The following MAP3K7CL variants were observed in gnomAD, a reference collection of about 807,000 sequenced individuals.
MAP3K7CL encodes MAP3K7 C-terminal-like protein.
A neutral mutation model predicts 18.6 loss-of-function variants in MAP3K7CL; 16 were observed. The observed-to-expected ratio is 0.86, with a 90% CI of 0.58 to 1.31. The LOEUF (loss-of-function observed/expected upper bound fraction) is 1.31. MAP3K7CL is among the 50% of genes most tolerant of loss of function. The probability of loss-of-function intolerance (pLI) is 0.00; values close to 1 mark genes in which losing one functional copy is unlikely to be tolerated. For missense variants in MAP3K7CL, 163 were observed against 174.4 expected, an observed-to-expected ratio of 0.93 and a Z score of 0.37; for synonymous variants, 65 against 66.8, an observed-to-expected ratio of 0.97 and a Z score of 0.13.
At position 29,173,629 on chromosome 21, in the gene MAP3K7CL, T is replaced by C. The variant is rs73897289; in HGVS notation, c.249-1083T>C. Among the ~76,000 whole-genome samples the C allele has an allele frequency of 8.3e-3, 1,271 of 152,340 alleles. 20 individuals carry two copies. Among genetic ancestry groups the C allele is most frequent in the African/African-American group, 0.029 (1,214 of 41,582 alleles). On this transcript the variant is annotated intron_variant, in intron 4 of 4. Transcript: ENST00000399928. ...GGTTAGGATTACCTGACCTCCATGA[T>C]GGAGACAGACCTGGTATCCTTTGGG...
At chr21:29,113,654 T>C (rs1193905716) in intron 4 of MAP3K7CL, among the ~76,000 whole-genome samples, 1 of 152,202 alleles carries the variant, frequency 6.6e-6, no homozygotes, top group East Asian at 1.9e-4. Context: ...GCCTCCCCTG[T>C]AGCTGAGATT....
chr21:29,111,443 T>G (rs1043255034), intron 4 of MAP3K7CL, among the ~76,000 whole-genome samples: 2 of 152,082 alleles, frequency 1.3e-5, no homozygotes, highest in African/African-American at 4.8e-5. Flanking sequence ...AGGAGCTCTA[T>G]TCCCTACCCC....
At chr21:29,082,656 T>G (rs7280838), upstream of MAP3K7CL, among the ~76,000 whole-genome samples, 3 of 152,174 alleles carry the variant, frequency 2.0e-5, no homozygotes, top group African/African-American at 7.2e-5. Context: ...CTGAAGTAGG[T>G]TATGTGGCCA....
intron 4 of MAP3K7CL, among the ~76,000 whole-genome samples, chr21:29,097,648 G>A (rs570662694): frequency 2.6e-4 from 39 of 151,850 alleles, no homozygotes; most frequent in Non-Finnish European, 3.2e-4. Flanking sequence ...CAAATAACAC[G>A]ATATGTAGTT....
In MAP3K7CL at chr21:29,107,024, A is replaced by G. The variant is rs117778864; in HGVS notation, c.370+14443A>G. 7.1e-3 allele frequency among the ~76,000 whole-genome samples: 1,076 copies of G among 152,286 alleles called. 9 individuals are homozygous for G. The highest frequency in any genetic ancestry group is 0.044 in the Middle Eastern group (13 of 294). On this transcript the variant is annotated intron_variant, in intron 4 of 6. Transcript: ENST00000286791. Reference sequence around the variant, plus strand: ...GGCATTCAAAGTCTGGGGTGTATTAAAGTCTGACTTAGGCCAGGCGTGGTG... The same window carrying G: ...GGCATTCAAAGTCTGGGGTGTATTAGAGTCTGACTTAGGCCAGGCGTGGTG...
intron 4 of MAP3K7CL, among the ~76,000 whole-genome samples, chr21:29,123,687 A>G (rs1272151103): frequency 6.6e-6 from 1 of 152,216 alleles, no homozygotes; most frequent in African/African-American, 2.4e-5. Context: ...AATGTTTGTG[A>G]TAAAATTGGA....
chr21:29,112,278 C>G (rs2086432441), intron 4 of MAP3K7CL, among the ~76,000 whole-genome samples: 1 of 152,084 alleles, frequency 6.6e-6, no homozygotes, highest in African/African-American at 2.4e-5. Flanking sequence ...AGCCTGGCGA[C>G]AGAGCAAGAC....
intron 2 of MAP3K7CL, among the ~76,000 whole-genome samples, chr21:29,142,484 T>C (rs953592340): frequency 3.9e-5 from 6 of 152,218 alleles, no homozygotes; most frequent in African/African-American, 1.4e-4. Flanking sequence ...ATTAGAGTCA[T>C]TGACCTTAAC....
intron 4 of MAP3K7CL, among the ~76,000 whole-genome samples, chr21:29,094,916 G>A (rs1018291252): frequency 2.0e-5 from 3 of 151,952 alleles, no homozygotes; most frequent in East Asian, 1.9e-4. Context: ...AAAATTAGCC[G>A]GGCATGGTGG....
At chr21:29,107,923 C>T (rs1332368387) in intron 4 of MAP3K7CL, among the ~76,000 whole-genome samples, 1 of 152,164 alleles carries the variant, frequency 6.6e-6, no homozygotes, top group Non-Finnish European at 1.5e-5. Context: ...GCTGTTATCT[C>T]TCTTTTTGTA....
intron 4 of MAP3K7CL, among the ~76,000 whole-genome samples, chr21:29,097,240 T>C (rs2086139325): frequency 6.6e-6 from 1 of 152,082 alleles, no homozygotes; most frequent in African/African-American, 2.4e-5. Flanking sequence ...GGAGTATGCA[T>C]ACTATGGTAA....
intron 4 of MAP3K7CL, among the ~76,000 whole-genome samples, chr21:29,119,248 T>C (rs2086553647): frequency 1.3e-5 from 2 of 152,272 alleles, no homozygotes; most frequent in Non-Finnish European, 1.5e-5. Context: ...TGGTTATTTT[T>C]ACTTTACAGT....
At chr21:29,111,273 AAC>A (rs2146560331) in intron 4 of MAP3K7CL, among the ~76,000 whole-genome samples, 1 of 47,524 alleles carries the variant, frequency 2.1e-5, no homozygotes, top group East Asian at 1.4e-3. Flanking sequence ...GAAAAAACAA[AAC>A]AACAACAACA....
chr21:29,103,278 A>G (rs2146536739), intron 4 of MAP3K7CL, among the ~76,000 whole-genome samples: 1 of 152,234 alleles, frequency 6.6e-6, no homozygotes, highest in South Asian at 2.1e-4. Context: ...GATGTTTACC[A>G]TTTGGCCGTA....
intron 4 of MAP3K7CL, among the ~76,000 whole-genome samples, chr21:29,100,019 C>T (rs1286116943): frequency 2.0e-5 from 3 of 148,812 alleles, no homozygotes; most frequent in Middle Eastern, 3.5e-3. Flanking sequence ...GGAGGCGGAG[C>T]TTGCAGTGAG....
chr21:29,123,324 A>T (rs1025733421), intron 4 of MAP3K7CL, among the ~76,000 whole-genome samples: 1 of 152,170 alleles, frequency 6.6e-6, no homozygotes. Context: ...TTGGCCTCCC[A>T]AAGTCCTGGG....
intron 4 of MAP3K7CL, among the ~76,000 whole-genome samples, chr21:29,099,029 G>A (rs899896253): frequency 2.0e-5 from 3 of 152,070 alleles, no homozygotes; most frequent in Admixed American, 6.6e-5. Flanking sequence ...GCTCTTCCAC[G>A]GTTTAGGGCA....
intron 4 of MAP3K7CL, among the ~76,000 whole-genome samples, chr21:29,117,102 T>C (rs963093307): frequency 6.6e-6 from 1 of 152,118 alleles, no homozygotes; most frequent in African/African-American, 2.4e-5. Context: ...GTCTTAACTA[T>C]CAATATATTT....
chr21:29,156,090 GA>G (rs1167308009), intron 3 of MAP3K7CL, among the ~76,000 whole-genome samples: 4 of 152,294 alleles, frequency 2.6e-5, no homozygotes, highest in Admixed American at 2.0e-4. Flanking sequence ...AGGAAGGTGG[GA>G]TAAGTGTATC....
Sources: gnomAD v4.1 joint callset for allele counts (sites outside exome capture counted in the v4.1 genomes callset) on GRCh38, gnomAD v4.1.1 for gene constraint, MANE v1.5 for transcripts, NCBI Gene and HGNC (gene_info 2026-07-23, HGNC 2026-07-21) for gene names.